The following SPMIP2 variants were observed in gnomAD, a reference collection of about 807,000 sequenced individuals.
SPMIP2 encodes the protein sperm microtubule inner protein 2, also known as protein SPMIP2.
the SPMIP2 span, among the ~76,000 whole-genome samples, chr4:158,946,336 GA>G: frequency 6.6e-6 from 1 of 152,190 alleles, no homozygotes; most frequent in African/African-American, 2.4e-5. Context: ...ATTCTGAGAT[GA>G]AGAATATTCA....
chr4:158,951,039 G>T, the SPMIP2 span, among the ~76,000 whole-genome samples: 3 of 152,194 alleles, frequency 2.0e-5, no homozygotes, highest in African/African-American at 7.2e-5. Flanking sequence ...ACAGCACACT[G>T]CTTCCCATTC....
At chr4:159,063,549 C>CT in the SPMIP2 span, among the ~76,000 whole-genome samples, 5 of 117,918 alleles carry the variant, frequency 4.2e-5, no homozygotes, top group East Asian at 3.2e-4. Flanking sequence ...AATCCTGTCT[C>CT]AAAATAAATA....
chr4:158,965,137 C>A, the SPMIP2 span, among the ~76,000 whole-genome samples: 8 of 152,166 alleles, frequency 5.3e-5, 1 homozygote, highest in South Asian at 1.7e-3. Flanking sequence ...AAAAACGAAA[C>A]AAAACAAAAC....
chr4:159,044,155 A>G, the SPMIP2 span, among the ~76,000 whole-genome samples: 1 of 152,070 alleles, frequency 6.6e-6, no homozygotes, highest in African/African-American at 2.4e-5. Flanking sequence ...CTAGTATAAC[A>G]TTTTTAAAAT....
the SPMIP2 span, among the ~76,000 whole-genome samples, chr4:158,962,614 C>T: frequency 6.6e-6 from 1 of 152,024 alleles, no homozygotes; most frequent in Admixed American, 6.6e-5. Context: ...TACTGTTAAC[C>T]CCTTAGGTGT....
chr4:158,961,874 A>G, the SPMIP2 span, among the ~76,000 whole-genome samples: 2 of 152,226 alleles, frequency 1.3e-5, no homozygotes, highest in South Asian at 4.1e-4. Context: ...AATAAAATTC[A>G]GACTCAGATA....
At chr4:158,895,580 T>C in the SPMIP2 span, among the ~76,000 whole-genome samples, 2 of 152,268 alleles carry the variant, frequency 1.3e-5, no homozygotes, top group African/African-American at 4.8e-5. Context: ...GAACCTATTC[T>C]TATACCTGGT....
At chr4:158,982,628 G>T in the SPMIP2 span, among the ~76,000 whole-genome samples, 1,313 of 152,242 alleles carry the variant, frequency 8.6e-3, 8 homozygotes, top group Non-Finnish European at 0.015. Context: ...TGACTACTGG[G>T]TAAATAACGA....
chr4:159,046,965 G>A, the SPMIP2 span, among the ~76,000 whole-genome samples: 1 of 152,182 alleles, frequency 6.6e-6, no homozygotes, highest in Non-Finnish European at 1.5e-5. Context: ...CGATCCATAA[G>A]AGGTGTGGTA....
At chr4:159,029,085 A>T in the SPMIP2 span, among the ~76,000 whole-genome samples, 1 of 152,186 alleles carries the variant, frequency 6.6e-6, no homozygotes, top group Non-Finnish European at 1.5e-5. Flanking sequence ...ACAGAGCAAG[A>T]CTCTGTCTCA....
the SPMIP2 span, among the ~76,000 whole-genome samples, chr4:158,999,325 G>C: frequency 1.3e-5 from 2 of 152,148 alleles, no homozygotes; most frequent in Admixed American, 1.3e-4. Flanking sequence ...TTATGAAAAT[G>C]ACACTTTTAG....
At chr4:158,915,052 AG>A in the SPMIP2 span, 2 of 847,724 alleles carry the variant, frequency 2.4e-6, no homozygotes, top group Non-Finnish European at 3.6e-6. Context: ...ATGCTTCGAT[AG>A]GTTAAAAGAA....
At chr4:158,992,491 C>A in the SPMIP2 span, among the ~76,000 whole-genome samples, 1 of 152,150 alleles carries the variant, frequency 6.6e-6, no homozygotes, top group Non-Finnish European at 1.5e-5. Context: ...AGATATTTAT[C>A]TGTCATTAGT....
At chr4:158,970,674 A>T in the SPMIP2 span, among the ~76,000 whole-genome samples, 1 of 152,158 alleles carries the variant, frequency 6.6e-6, no homozygotes, top group African/African-American at 2.4e-5. Context: ...GAAATTATAG[A>T]TGCTTCAGTG....
the SPMIP2 span, among the ~76,000 whole-genome samples, chr4:159,046,916 G>A: frequency 1.1e-4 from 17 of 152,316 alleles, no homozygotes; most frequent in East Asian, 3.3e-3. Flanking sequence ...AAGCATCAAA[G>A]CTGACTCTAT....
the SPMIP2 span, among the ~76,000 whole-genome samples, chr4:158,932,032 G>T: frequency 6.6e-6 from 1 of 151,798 alleles, no homozygotes; most frequent in African/African-American, 2.4e-5. Context: ...GCTCACACCT[G>T]TAATTCCAGC....
the SPMIP2 span, chr4:158,904,428 C>G: frequency 1.3e-6 from 2 of 1,511,982 alleles, no homozygotes; most frequent in Non-Finnish European, 1.8e-6. Flanking sequence ...AAACCATGCT[C>G]TTTTAAAGTA....
chr4:158,987,588 A>G, the SPMIP2 span, among the ~76,000 whole-genome samples: 1 of 152,046 alleles, frequency 6.6e-6, no homozygotes, highest in Non-Finnish European at 1.5e-5. Context: ...ATGAGAACAC[A>G]TGGACACAGA....
chr4:158,968,021 A>G, the SPMIP2 span, among the ~76,000 whole-genome samples: 6 of 152,218 alleles, frequency 3.9e-5, no homozygotes, highest in Non-Finnish European at 5.9e-5. Context: ...TGTGGGTAGT[A>G]TCATCTCTAC....
Sources: allele counts gnomAD v4.1 joint callset (sites outside exome capture counted in the v4.1 genomes callset), GRCh38; gene constraint gnomAD v4.1.1; transcripts MANE v1.5; gene names NCBI Gene and HGNC (gene_info 2026-07-23, HGNC 2026-07-21).